ZBTB10: variants seen among roughly 807,000 people sequenced by gnomAD.
ZBTB10 encodes the protein zinc finger and BTB domain-containing protein 10.
Under a neutral mutation model 76.4 loss-of-function variants are expected in ZBTB10, and 32 were observed. That is an observed-to-expected ratio of 0.42 (90% CI 0.32 to 0.56). The LOEUF (loss-of-function observed/expected upper bound fraction) is 0.56, where lower values mean the gene tolerates loss of function less well. Among genes scored for constraint, ZBTB10 ranks in the 20% least tolerant of loss-of-function variants. ZBTB10 has a pLI of 0.14. For missense variants in ZBTB10, 1,057 were observed against 1,098.5 expected, an observed-to-expected ratio of 0.96 and a Z score of 0.53; for synonymous variants, 523 against 432.9, an observed-to-expected ratio of 1.21 and a Z score of -2.58.
Position 80,487,350 on chromosome 8 carries a change from G to C in ZBTB10, c.540G>C (p.Leu180=). The C allele has an allele frequency of 6.5e-7, 1 of 1,529,852 alleles. No individual in the cohort carries two copies. Among genetic ancestry groups the C allele is most frequent in the South Asian group, 1.2e-5 (1 of 81,496 alleles). 94.8% of individuals were successfully genotyped at this position (1,529,852 alleles called of 1,614,324 possible). A position where few individuals can be genotyped will look rare whatever the true frequency, so the allele number is the denominator to read the frequency against. The change falls in exon 1 of 6, where the codon CTG becomes CTC. Residue 180 remains leucine (L), a synonymous_variant. Transcript: ENST00000455036. ...AGTTGATGCAGGACGGCGCGTCCCT[G>C]AGCGACAGCACCGAGGACGAGGAGG... The part of the protein sequence containing the change: ...GKELMQDGAS[L]SDSTEDEEEG...
At chr8:80,517,351 T>G (rs1196986486) in intron 3 of ZBTB10, among the ~76,000 whole-genome samples, 1 of 152,220 alleles carries the variant, frequency 6.6e-6, no homozygotes, top group African/African-American at 2.4e-5. Flanking sequence ...TCTGGATATA[T>G]ATTCCTATTG....
intron 2 of ZBTB10, among the ~76,000 whole-genome samples, chr8:80,510,657 TGTG>T (rs1328431300): frequency 1.3e-5 from 2 of 151,632 alleles, no homozygotes; most frequent in Non-Finnish European, 2.9e-5. Flanking sequence ...TGTGTGTGTG[TGTG>T]TGTGTGTGTG....
rs181090330 is a variant in ZBTB10, at chr8:80,523,219, C to G, written c.*3691C>G. 51 of 151,808 alleles carry G rather than the reference C, an allele frequency of 3.4e-4. No homozygotes were observed. The highest frequency in any genetic ancestry group is 6.8e-4 in the Non-Finnish European group (46 of 67,848). 9.4% of individuals were successfully genotyped at this position (151,808 alleles called of 1,614,324 possible). Reference sequence around the variant, plus strand: ...ATTTGACCACGTCTGATTCTGAAGCCCATACTCTTTCAGGGAGGCTCTATT... The same window carrying G: ...ATTTGACCACGTCTGATTCTGAAGCGCATACTCTTTCAGGGAGGCTCTATT... On this transcript the variant is annotated 3_prime_UTR_variant, in exon 6 of 6. Coordinates refer to ENST00000455036, the MANE Select transcript of ZBTB10 (RefSeq NM_001105539.3).
chr8:80,486,394 T>C lies in ZBTB10; in HGVS notation c.-417T>C, dbSNP rs1188611574. 3 of 987,918 alleles carry C rather than the reference T, an allele frequency of 3.0e-6. No homozygotes were observed. In the African/African-American group the frequency reaches 5.3e-5, roughly 17 times the overall value. The allele number at this position is 987,918 out of a possible 1,614,324, so 61.2% of individuals were successfully genotyped here. A position where few individuals can be genotyped will look rare whatever the true frequency, so the allele number is the denominator to read the frequency against. On this transcript the variant is annotated 5_prime_UTR_variant, in exon 1 of 6. Coordinates refer to ENST00000455036, the MANE Select transcript of ZBTB10 (RefSeq NM_001105539.3). ...CCTCGGCGCGCGGAGGAAGGATATCTGTGTGGAGGATCGGTGTGTGCGCGC... is the reference window on the plus strand; with the variant it reads ...CCTCGGCGCGCGGAGGAAGGATATCCGTGTGGAGGATCGGTGTGTGCGCGC...
Position 80,500,325 on chromosome 8 carries a change from A to G in ZBTB10, c.1804A>G (p.Met602Val), listed in dbSNP as rs1240097527. The change falls in exon 2 of 6, where the codon ATG (methionine) becomes GTG (valine). Residue 602 changes from methionine (M) to valine (V), a missense_variant. Physicochemically the swap from Met to Val is conservative, Grantham distance 21. Coordinates refer to ENST00000455036, the MANE Select transcript of ZBTB10 (RefSeq NM_001105539.3). The stretch of plus-strand genomic sequence containing the variant: ...AACGAATTTAGAAGATTGCTCAGTA[A>G]TGCAGCCACCTGTTGCCTATCCAGA... ...NETNLEDCSV[M>V]QPPVAYPEEN... The G allele has an allele frequency of 2.5e-6, 4 of 1,586,524 alleles. No homozygotes were observed. Among genetic ancestry groups the G allele is most frequent in the Non-Finnish European group, 2.6e-6 (3 of 1,165,798 alleles).
chr8:80,496,414 CAT>C (rs1452950177), intron 1 of ZBTB10, among the ~76,000 whole-genome samples: 6 of 144,198 alleles, frequency 4.2e-5, no homozygotes, highest in African/African-American at 7.7e-5. Flanking sequence ...CTGCTGCAAA[CAT>C]ATGGAATAGT....
chr8:80,517,490 C>A (rs921735417), intron 3 of ZBTB10, among the ~76,000 whole-genome samples: 8 of 152,024 alleles, frequency 5.3e-5, no homozygotes, highest in African/African-American at 1.9e-4. Context: ...ATCTTCTGCA[C>A]GTTATTTTAT....
chr8:80,493,199 GCGCGCGCGCA>G (rs1563457121), intron 1 of ZBTB10, among the ~76,000 whole-genome samples: 3 of 113,602 alleles, frequency 2.6e-5, no homozygotes, highest in African/African-American at 1.1e-4. Flanking sequence ...CAAAACGCGC[GCGCGCGCGCA>G]CACACACACA....
chr8:80,518,035 T>A (rs990374899), intron 3 of ZBTB10, among the ~76,000 whole-genome samples: 2 of 151,808 alleles, frequency 1.3e-5, no homozygotes, highest in African/African-American at 4.8e-5. Context: ...ATTTTTAAAA[T>A]TTTTTTGTAG....
intron 2 of ZBTB10, among the ~76,000 whole-genome samples, chr8:80,511,224 C>CT (rs1233159661): frequency 6.6e-6 from 1 of 152,108 alleles, no homozygotes; most frequent in African/African-American, 2.4e-5. Flanking sequence ...CTGAGGAGGT[C>CT]TATACTTGTT....
intron 3 of ZBTB10, among the ~76,000 whole-genome samples, chr8:80,517,079 G>C (rs1286300713): frequency 1.3e-5 from 2 of 152,180 alleles, no homozygotes; most frequent in East Asian, 1.9e-4. Flanking sequence ...TTGGAAGCCA[G>C]GGCTCCACCG....
In ZBTB10 at chr8:80,486,835, A is replaced by C. The variant is rs995869590; in HGVS notation, c.25A>C (p.Arg9=). ...CATGTCGTTCAGTGAAATGAACCGC[A>C]GGACGCTGGCGTTCCGAGGAGGCGG... MSFSEMNR[R]TLAFRGGGLV... Residue 9 remains arginine (R), a synonymous_variant, in exon 1 of 6, where the codon AGG becomes CGG. Transcript: ENST00000455036. The C allele has an allele frequency of 2.6e-5, 39 of 1,498,696 alleles. No homozygotes were observed. The Admixed American group carries it at 6.4e-4, about 25-fold the overall frequency. The allele number at this position is 1,498,696 out of a possible 1,614,324, so 92.8% of individuals were successfully genotyped here.
intron 1 of ZBTB10, among the ~76,000 whole-genome samples, chr8:80,488,619 G>A (rs1815544740): frequency 6.6e-6 from 1 of 152,190 alleles, no homozygotes; most frequent in Admixed American, 6.5e-5. Flanking sequence ...CACCGTGAAA[G>A]TGCTTACAAA....
intron 1 of ZBTB10, among the ~76,000 whole-genome samples, chr8:80,490,784 C>T (rs1486877051): frequency 6.6e-6 from 1 of 152,140 alleles, no homozygotes; most frequent in Non-Finnish European, 1.5e-5. Context: ...CTCAAAGAGT[C>T]CCGTTTCTGA....
intron 2 of ZBTB10, among the ~76,000 whole-genome samples, chr8:80,501,430 A>G (rs1057125149): frequency 1.4e-4 from 22 of 152,200 alleles, no homozygotes; most frequent in Admixed American, 9.8e-4. Context: ...GAGGTTTCCT[A>G]TGCATGCCTG....
intron 1 of ZBTB10, among the ~76,000 whole-genome samples, chr8:80,494,807 C>T (rs1467690943): frequency 6.6e-6 from 1 of 151,794 alleles, no homozygotes; most frequent in Non-Finnish European, 1.5e-5. Flanking sequence ...ATCTTATAGT[C>T]CCAGCTACTT....
intron 2 of ZBTB10, among the ~76,000 whole-genome samples, chr8:80,510,676 G>GTGTGTGTGTGTT (rs1816168922): frequency 6.9e-6 from 1 of 144,314 alleles, no homozygotes; most frequent in African/African-American, 2.5e-5. Context: ...GTGTGTGTGT[G>GTGTGTGTGTGTT]TGTTTTAGAC....
intron 1 of ZBTB10, among the ~76,000 whole-genome samples, chr8:80,493,690 C>CGTG (rs1815708637): frequency 2.0e-5 from 3 of 150,200 alleles, no homozygotes; most frequent in Admixed American, 1.3e-4. Context: ...CCGAGCCGGG[C>CGTG]GTGGTGGCGC....
chr8:80,502,677 G>T (rs928583145), intron 2 of ZBTB10, among the ~76,000 whole-genome samples: 1 of 152,000 alleles, frequency 6.6e-6, no homozygotes, highest in African/African-American at 2.4e-5. Context: ...TTATGGTTAG[G>T]GTATATAATA....
Sources: gnomAD v4.1 joint callset for allele counts (sites outside exome capture counted in the v4.1 genomes callset) on GRCh38, gnomAD v4.1.1 for gene constraint, MANE v1.5 for transcripts, NCBI Gene and HGNC (gene_info 2026-07-23, HGNC 2026-07-21) for gene names.